Variants in ANKRD52 observed in about 807,000 individuals in gnomAD.
ANKRD52 encodes the protein serine/threonine-protein phosphatase 6 regulatory ankyrin repeat subunit C.
ANKRD52 carries 7 observed loss-of-function variants against 116.0 expected under a neutral mutation model. The observed-to-expected ratio is 0.06, with a 90% CI of 0.03 to 0.11. The LOEUF (loss-of-function observed/expected upper bound fraction) is 0.11. Among genes scored for constraint, ANKRD52 ranks in the 10% least tolerant of loss-of-function variants. The pLI is 1.00. For synonymous variants in ANKRD52, 528 were observed against 578.1 expected (o/e 0.91, Z 1.24); for missense variants, 839 against 1,408.6 (o/e 0.60, Z 6.47).
chr12:56,242,198 A>G lies in ANKRD52; in HGVS notation c.*944T>C. 1 of 398,616 alleles carries G rather than the reference A, an allele frequency of 2.5e-6. No individual in the cohort carries two copies. The highest frequency in any genetic ancestry group is 4.4e-6 in the Non-Finnish European group (1 of 226,084). 24.7% of individuals were successfully genotyped at this position (398,616 alleles called of 1,614,324 possible). ...ATACATGCAAACACATGCCTGAAAC[A>G]CAGTGGACATACTAGGGCTGTGGTT... On this transcript the variant is annotated 3_prime_UTR_variant, in exon 28 of 28. Coordinates refer to ENST00000267116, the MANE Select transcript of ANKRD52 (RefSeq NM_173595.4). The surrounding 1 kb of genome is among the most constrained non-coding windows in gnomAD (Gnocchi z 4.3).
chr12:56,239,489 G>A lies in ANKRD52; in HGVS notation c.*3653C>T, dbSNP rs1871068609. On this transcript the variant is annotated 3_prime_UTR_variant, in exon 28 of 28. Transcript: ENST00000267116. Reference sequence around the variant, plus strand: ...GGTCTGTAAGGCTATTTTCCTTTGCGGTGGGAAGGGGAGGTAGGGGATGAA... The same window carrying A: ...GGTCTGTAAGGCTATTTTCCTTTGCAGTGGGAAGGGGAGGTAGGGGATGAA... 1.3e-5 allele frequency: 2 copies of A among 152,370 alleles called. 1 individual carries two copies. Among genetic ancestry groups the A allele is most frequent in the Admixed American group, 1.3e-4 (2 of 15,294 alleles). The allele number at this position is 152,370 out of a possible 1,614,324, so 9.4% of individuals were successfully genotyped here.
chr12:56,248,690 G>C lies in ANKRD52; in HGVS notation c.1704+69C>G. ...AAGACCACATTTGATTGAACCCTTA[G>C]TTTTGGAATCCACAAACCCTGTGCC... On this transcript the variant is annotated intron_variant, in intron 16 of 27. Transcript: ENST00000267116. The surrounding 1 kb of genome is among the most constrained non-coding windows in gnomAD (Gnocchi z 5.1). 6.6e-7 allele frequency: 1 copy of C among 1,506,076 alleles called. No homozygotes were observed. Among genetic ancestry groups the C allele is most frequent in the Non-Finnish European group, 9.1e-7 (1 of 1,102,150 alleles). 93.3% of individuals were successfully genotyped at this position (1,506,076 alleles called of 1,614,324 possible).
At chr12:56,245,708 CTTTTTTTT>C in intron 20 of ANKRD52, 112 bp from the exon 21 acceptor site, 34 of 397,068 alleles carry the variant, frequency 8.6e-5, no homozygotes, top group Admixed American at 1.2e-4. Context: ...CAATCCTTGT[CTTTTTTTT>C]TTTTTTTTTT....
intron 15 of ANKRD52, among the ~76,000 whole-genome samples, chr12:56,251,616 G>A (rs979382103): frequency 6.6e-6 from 1 of 151,452 alleles, no homozygotes; most frequent in Admixed American, 6.6e-5. Flanking sequence ...AATGCTTGTG[G>A]AATAAACAAA....
rs776034776 is a variant in ANKRD52, at chr12:56,247,620, G to C, written c.2067-10C>G. 7 of 1,589,344 alleles carry C rather than the reference G, an allele frequency of 4.4e-6. No homozygotes were observed. The South Asian group carries it at 8.0e-5, about 18-fold the overall frequency. ...CAGCATCAGTGGGGTCCTACAGAAG[G>C]GCAGGAGGAGGAGTGAGGATCCCGC... On this transcript the variant is annotated splice_polypyrimidine_tract_variant and intron_variant, in intron 19 of 27. Transcript: ENST00000267116.
At chr12:56,245,697 C>A in intron 20 of ANKRD52, 101 bp from the exon 21 acceptor site, 3 of 877,344 alleles carry the variant, frequency 3.4e-6, no homozygotes, top group Non-Finnish European at 5.0e-6. Flanking sequence ...TTCCAGGGCT[C>A]CAATCCTTGT....
In ANKRD52 at chr12:56,253,371, C is replaced by T. The variant is rs766681583; in HGVS notation, c.1017G>A (p.Gly339=). The T allele has an allele frequency of 6.2e-7, 1 of 1,613,512 alleles. No homozygotes were observed. Among genetic ancestry groups the T allele is most frequent in the Non-Finnish European group, 8.5e-7 (1 of 1,179,618 alleles). Residue 339 remains glycine, a synonymous_variant, in exon 10 of 28, where the codon GGG becomes GGA. Coordinates refer to ENST00000267116, the MANE Select transcript of ANKRD52 (RefSeq NM_173595.4). The surrounding 1 kb of genome is among the most constrained non-coding windows in gnomAD (Gnocchi z 5.5). ...GSEIDCADKF[G]NTPLHVAARY... ...GAGCAGCCACATGCAGTGGCGTGTT[C>T]CCAAATTTGTCGGCACAATCAATCT...
At position 56,242,279 on chromosome 12, in the gene ANKRD52, T is replaced by A. The variant is rs905743907; in HGVS notation, c.*863A>T. The A allele has an allele frequency of 2.5e-6, 1 of 397,866 alleles. No individual in the cohort carries two copies. The allele number at this position is 397,866 out of a possible 1,614,324, so 24.6% of individuals were successfully genotyped here. A position where few individuals can be genotyped will look rare whatever the true frequency, so the allele number is the denominator to read the frequency against. On this transcript the variant is annotated 3_prime_UTR_variant, in exon 28 of 28. Transcript: ENST00000267116. This position sits in a 1 kb window ranked among gnomAD's most constrained non-coding sequence, Gnocchi z 4.3. ...TCCCCTAAAGGATAAAACGCTTACT[T>A]AAAAATTCATGACAAGCCTCAAAGT...
Position 56,257,894 on chromosome 12 carries a change from G to A in ANKRD52, c.45C>T (p.Ala15=), listed in dbSNP as rs1872034329. 3.1e-6 allele frequency: 5 copies of A among 1,613,638 alleles called. No individual in the cohort carries two copies. The highest frequency in any genetic ancestry group is 4.2e-6 in the Non-Finnish European group (5 of 1,179,806). Residue 15 remains alanine (A), a synonymous_variant, in exon 2 of 28, where the codon GCC becomes GCT. Coordinates refer to ENST00000267116, the MANE Select transcript of ANKRD52 (RefSeq NM_173595.4). ...CTTCCTCCACATCTCGGCTAAAGAT[G>A]GCCTGGACCAGGGGCGGCTGCAGAG... The part of the protein sequence containing the change: ...SITDQPPLVQ[A]IFSRDVEEVR...
At chr12:56,250,169 C>G (rs1592391757) in intron 15 of ANKRD52, among the ~76,000 whole-genome samples, 2 of 151,886 alleles carry the variant, frequency 1.3e-5, no homozygotes, top group Non-Finnish European at 2.9e-5. Context: ...TGCACTAGAG[C>G]CTGGGTGACA....
chr12:56,252,327 G>A lies in ANKRD52; in HGVS notation c.1371-12C>T, dbSNP rs1738151172. On this transcript the variant is annotated splice_polypyrimidine_tract_variant and intron_variant, in intron 13 of 27. Coordinates refer to ENST00000267116, the MANE Select transcript of ANKRD52 (RefSeq NM_173595.4). The surrounding 1 kb of genome is among the most constrained non-coding windows in gnomAD (Gnocchi z 4.7). ...AGTGCAGTGGGGTCCTGGGGAAGAA[G>A]TGAAGGAGGGTGGGGAAGAGAATCA... The A allele has an allele frequency of 1.2e-6, 2 of 1,613,156 alleles. No homozygotes were observed. The highest frequency in any genetic ancestry group is 3.3e-5 in the Admixed American group (2 of 60,010).
In ANKRD52 at chr12:56,244,120, C is replaced by T. The variant is rs1871287510; in HGVS notation, c.2819G>A (p.Cys940Tyr). The change falls in exon 26 of 28, where the codon TGT becomes TAT. Residue 940 changes from cysteine to tyrosine, a missense_variant. Cys to Tyr is a radical substitution (Grantham distance 194). Transcript: ENST00000267116. The surrounding 1 kb of genome is among the most constrained non-coding windows in gnomAD (Gnocchi z 4.9). Reference sequence around the variant, plus strand: ...GGTTTCTGCCAGGATCATGAGGGCACATTTCTCATGGCCCTGAGGGAGGGG... The same window carrying T: ...GGTTTCTGCCAGGATCATGAGGGCATATTTCTCATGGCCCTGAGGGAGGGG... ...HLACSKGHEK[C>Y]ALMILAETQD... 1 of 1,613,848 alleles carries T rather than the reference C, an allele frequency of 6.2e-7. No individual in the cohort carries two copies. Among genetic ancestry groups the T allele is most frequent in the Non-Finnish European group, 8.5e-7 (1 of 1,179,886 alleles).
chr12:56,248,608 C>G lies in ANKRD52; in HGVS notation c.1705-42G>C. ...AGTAGGTGCTGAGACTCTGGAACTC[C>G]CAAGATAGTACCCCAGTCCCCGACT... On this transcript the variant is annotated intron_variant, in intron 16 of 27. Transcript: ENST00000267116. This position sits in a 1 kb window ranked among gnomAD's most constrained non-coding sequence, Gnocchi z 5.1. The G allele has an allele frequency of 6.5e-7, 1 of 1,548,018 alleles. No homozygotes were observed. The highest frequency in any genetic ancestry group is 8.8e-7 in the Non-Finnish European group (1 of 1,138,956).
chr12:56,248,873 G>A lies in ANKRD52; in HGVS notation c.1593-3C>T. The A allele has an allele frequency of 1.9e-6, 3 of 1,580,204 alleles. No individual in the cohort carries two copies. The highest frequency in any genetic ancestry group is 2.6e-6 in the Non-Finnish European group (3 of 1,161,500). On this transcript the variant is annotated splice_polypyrimidine_tract_variant and splice_region_variant and intron_variant, in intron 15 of 27. Coordinates refer to ENST00000267116, the MANE Select transcript of ANKRD52 (RefSeq NM_173595.4). This position sits in a 1 kb window ranked among gnomAD's most constrained non-coding sequence, Gnocchi z 5.1. ...TATCCAGTAAGAACTCCAGACAGCTGGGGAGCCGGGGGTAGACTGTGAGGC... is the reference window on the plus strand; with the variant it reads ...TATCCAGTAAGAACTCCAGACAGCTAGGGAGCCGGGGGTAGACTGTGAGGC...
rs1202568758 is a variant in ANKRD52 at position 56,253,818 on chromosome 12, GT to G, written c.907-19del. The G allele has an allele frequency of 1.2e-6, 2 of 1,610,408 alleles. No individual in the cohort carries two copies. Among genetic ancestry groups the G allele is most frequent in the East Asian group, 2.2e-5 (1 of 44,852 alleles). ...TCTTTGCTCTGTGGAAACATGGTGG[GT>G]TTTTGTTTTTGTTTTTTTTTCCAGT... is the stretch of plus-strand genomic sequence containing the variant. On this transcript the variant is annotated intron_variant, in intron 8 of 27. Transcript: ENST00000267116. This position sits in a 1 kb window ranked among gnomAD's most constrained non-coding sequence, Gnocchi z 5.5.
rs750810706 is a variant in ANKRD52, at chr12:56,244,461, C to A, written c.2723-26G>T. 7 of 1,610,622 alleles carry A rather than the reference C, an allele frequency of 4.3e-6. No homozygotes were observed. The East Asian group carries it at 1.3e-4, about 31-fold the overall frequency. On this transcript the variant is annotated intron_variant, in intron 24 of 27. Transcript: ENST00000267116. The surrounding 1 kb of genome is among the most constrained non-coding windows in gnomAD (Gnocchi z 4.9). ...CTACGAGAGAAATGTGATAGAGGGACTGACCCCTCCCTCCAGAGCAGTAGC... is the reference window on the plus strand; with the variant it reads ...CTACGAGAGAAATGTGATAGAGGGAATGACCCCTCCCTCCAGAGCAGTAGC...
rs1364421558 is a variant in ANKRD52 at position 56,248,580 on chromosome 12, G to T, written c.1705-14C>A. On this transcript the variant is annotated splice_polypyrimidine_tract_variant and intron_variant, in intron 16 of 27. Coordinates refer to ENST00000267116, the MANE Select transcript of ANKRD52 (RefSeq NM_173595.4). This position sits in a 1 kb window ranked among gnomAD's most constrained non-coding sequence, Gnocchi z 5.1. ...CATTTCTAAGAGCTGCAAAGGACAG[G>T]AAAGTAGGTGCTGAGACTCTGGAAC... The T allele has an allele frequency of 4.4e-6, 7 of 1,579,880 alleles. No homozygotes were observed. The highest frequency in any genetic ancestry group is 6.0e-6 in the Non-Finnish European group (7 of 1,162,784).
rs761776566 is a variant in ANKRD52 at position 56,244,031 on chromosome 12, C to T, written c.2888+20G>A. ...CCACTGGCCTCCCCCAGCCAGGAGCCCCCTTCCCCAGGCACTCACATCTGC... is the reference window on the plus strand; with the variant it reads ...CCACTGGCCTCCCCCAGCCAGGAGCTCCCTTCCCCAGGCACTCACATCTGC... On this transcript the variant is annotated intron_variant, in intron 26 of 27. Transcript: ENST00000267116. The surrounding 1 kb of genome is among the most constrained non-coding windows in gnomAD (Gnocchi z 4.9). The T allele has an allele frequency of 1.9e-6, 3 of 1,613,196 alleles. No individual in the cohort carries two copies. The African/African-American group carries it at 4.0e-5, about 22-fold the overall frequency.
At chr12:56,247,002 GC>G (rs1332511883) in intron 20 of ANKRD52, among the ~76,000 whole-genome samples, 1 of 149,624 alleles carries the variant, frequency 6.7e-6, no homozygotes, top group Non-Finnish European at 1.5e-5. Flanking sequence ...AGGGAAATCA[GC>G]TGGGGACGTC....
Sources: gnomAD v4.1 joint callset for allele counts (sites outside exome capture counted in the v4.1 genomes callset) on GRCh38, gnomAD v4.1.1 for gene constraint, Gnocchi (gnomAD v3.1) non-coding constraint, MANE v1.5 for transcripts, NCBI Gene and HGNC (gene_info 2026-07-23, HGNC 2026-07-21) for gene names.